The following ADGB variants were observed in gnomAD, a reference collection of about 807,000 sequenced individuals.
ADGB encodes the protein androglobin.
A neutral mutation model predicts 210.5 loss-of-function variants in ADGB; 172 were observed. The ratio of observed to expected loss-of-function variants is 0.82; its 90% CI spans 0.72 to 0.93. The LOEUF is 0.93. Ranked by LOEUF, ADGB falls within the 40% of genes least tolerant of loss-of-function variation. The pLI is 0.00. For synonymous variants in ADGB, 658 were observed against 662.7 expected, an observed-to-expected ratio of 0.99 and a Z score of 0.11; for missense variants, 2,025 against 1,964.8, an observed-to-expected ratio of 1.03 and a Z score of -0.58.
intron 29 of ADGB, among the ~76,000 whole-genome samples, chr6:146,773,548 C>G (rs1308985557): frequency 6.6e-6 from 1 of 152,130 alleles, no homozygotes; most frequent in African/African-American, 2.4e-5. Flanking sequence ...TCTTACTCAA[C>G]TTAGTAGTTT....
intron 10 of ADGB, among the ~76,000 whole-genome samples, chr6:146,688,691 A>G (rs557206823): frequency 1.3e-5 from 2 of 152,284 alleles, no homozygotes; most frequent in South Asian, 2.1e-4. Flanking sequence ...GTGTGTCACC[A>G]TCTTCCTGTC....
chr6:146,727,934 G>A (rs990094259), intron 19 of ADGB, among the ~76,000 whole-genome samples: 12 of 152,146 alleles, frequency 7.9e-5, no homozygotes, highest in African/African-American at 2.7e-4. Flanking sequence ...GAGAGAATCG[G>A]GAATCATGAT....
intron 27 of ADGB, among the ~76,000 whole-genome samples, chr6:146,755,512 T>A (rs993221642): frequency 6.6e-6 from 1 of 152,074 alleles, no homozygotes; most frequent in African/African-American, 2.4e-5. Flanking sequence ...CCTGTCACCA[T>A]ATGAAAAAGG....
At position 146,701,062 on chromosome 6, in the gene ADGB, A is replaced by G. The variant is rs1430221023; in HGVS notation, c.1699A>G (p.Thr567Ala). ...AGACTTGAGTCAAATAACAAAAGCT[A>G]CATCTCAGGTGACTATGTTACTCTT... ...QTDLSQITKATSQGNTASQVI... is the reference protein window; with the variant it reads ...QTDLSQITKAASQGNTASQVI... Residue 567 changes from threonine (T) to alanine (A), a missense_variant, in exon 13 of 36, where the codon ACA becomes GCA. Transcript: ENST00000397944. 6.5e-7 allele frequency: 1 copy of G among 1,550,322 alleles called. No homozygotes were observed.
chr6:146,638,359 G>A (rs985377176), intron 2 of ADGB, among the ~76,000 whole-genome samples: 4 of 151,836 alleles, frequency 2.6e-5, no homozygotes, highest in African/African-American at 9.7e-5. Flanking sequence ...CAACCCAAAT[G>A]TCCAACAATG....
chr6:146,753,321 T>A (rs1405175397), intron 27 of ADGB, among the ~76,000 whole-genome samples: 1 of 152,058 alleles, frequency 6.6e-6, no homozygotes, highest in East Asian at 1.9e-4. Flanking sequence ...CAAAACACAC[T>A]AAATATTTTG....
chr6:146,656,620 A>G (rs1775785100), intron 4 of ADGB, 151 bp from the exon 5 acceptor site: 1 of 564,684 alleles, frequency 1.8e-6, no homozygotes, highest in African/African-American at 1.9e-5. Flanking sequence ...CTATAACTTT[A>G]TTCTGTAGAT....
chr6:146,752,811 C>T, intron 27 of ADGB, 97 bp downstream of exon 27: 1 of 1,188,102 alleles, frequency 8.4e-7, no homozygotes, highest in Non-Finnish European at 1.1e-6. Context: ...CAAGTAACCA[C>T]TTAAATTATG....
At chr6:146,799,391 T>G (rs188658405) in intron 33 of ADGB, among the ~76,000 whole-genome samples, 7 of 151,784 alleles carry the variant, frequency 4.6e-5, no homozygotes, top group African/African-American at 1.4e-4. Flanking sequence ...AAAATTAGCT[T>G]GGCGTGGTGG....
rs144952691 is a variant in ADGB, at chr6:146,640,339, C to T, written c.238-4434C>T. ...CTGAATTCTACCAGATGTAGAAAGA[C>T]GAGCTGGTACCATTTCTACTGAAAC... On this transcript the variant is annotated intron_variant, in intron 2 of 35. Coordinates refer to ENST00000397944, the MANE Select transcript of ADGB (RefSeq NM_024694.4). 1.8e-3 allele frequency among the ~76,000 whole-genome samples: 272 copies of T among 151,968 alleles called. 2 individuals are homozygous for T. In the East Asian group the frequency reaches 0.041, roughly 23 times the overall value.
At chr6:146,723,062 A>T (rs1014855047) in intron 17 of ADGB, among the ~76,000 whole-genome samples, 7 of 152,178 alleles carry the variant, frequency 4.6e-5, no homozygotes, top group Non-Finnish European at 5.9e-5. Context: ...GATTTTTTTT[A>T]AACTGAAATA....
chr6:146,603,887 T>C (rs1388820365), intron 1 of ADGB, among the ~76,000 whole-genome samples: 1 of 152,184 alleles, frequency 6.6e-6, no homozygotes, highest in Non-Finnish European at 1.5e-5. Context: ...GATGATCCAA[T>C]GAAACTATGC....
At chr6:146,644,274 GAAAGA>G (rs1026819087) in intron 2 of ADGB, among the ~76,000 whole-genome samples, 1 of 151,636 alleles carries the variant, frequency 6.6e-6, no homozygotes, top group Non-Finnish European at 1.5e-5. Context: ...TATCTTAAAG[GAAAGA>G]AATTAATTTT....
At chr6:146,645,471 T>A (rs181735349) in intron 3 of ADGB, among the ~76,000 whole-genome samples, 1 of 152,036 alleles carries the variant, frequency 6.6e-6, no homozygotes, top group Non-Finnish European at 1.5e-5. Flanking sequence ...AGTTTGAATA[T>A]ATTTAGCTTT....
rs138230488 is a variant in ADGB, at chr6:146,641,610, G to T, written c.238-3163G>T. Among the ~76,000 whole-genome samples the T allele has an allele frequency of 1.3e-4, 19 of 151,812 alleles. No individual in the cohort carries two copies. The East Asian group carries it at 3.7e-3, about 30-fold the overall frequency. ...CCCATAAGTAAGACCACACATCTAC[G>T]GCCATCTGATCTTTGACAAAGCTGA... On this transcript the variant is annotated intron_variant, in intron 2 of 35. Coordinates refer to ENST00000397944, the MANE Select transcript of ADGB (RefSeq NM_024694.4).
intron 1 of ADGB, among the ~76,000 whole-genome samples, chr6:146,631,530 C>G (rs1781065668): frequency 6.6e-6 from 1 of 152,130 alleles, no homozygotes; most frequent in Non-Finnish European, 1.5e-5. Flanking sequence ...AAAAATTTGA[C>G]AGAGTTTCAA....
chr6:146,712,393 G>C (rs968726149), intron 13 of ADGB, among the ~76,000 whole-genome samples: 3 of 152,004 alleles, frequency 2.0e-5, no homozygotes, highest in African/African-American at 7.2e-5. Context: ...TGCCATGTTG[G>C]CCAGGCCGGT....
chr6:146,636,207 C>G (rs1775416645), intron 2 of ADGB, among the ~76,000 whole-genome samples: 1 of 151,910 alleles, frequency 6.6e-6, no homozygotes, highest in Admixed American at 6.6e-5. Flanking sequence ...TTGGGTGCAA[C>G]AATTCATTTA....
chr6:146,779,783 T>C (rs1426788144), intron 29 of ADGB, among the ~76,000 whole-genome samples: 1 of 151,920 alleles, frequency 6.6e-6, no homozygotes, highest in Admixed American at 6.6e-5. Context: ...TTTTTCAATT[T>C]ATTTTGAAAA....
Sources: allele counts gnomAD v4.1 joint callset (sites outside exome capture counted in the v4.1 genomes callset), GRCh38; gene constraint gnomAD v4.1.1; transcripts MANE v1.5; gene names NCBI Gene and HGNC (gene_info 2026-07-23, HGNC 2026-07-21).